SUMF1: variants seen among roughly 807,000 people sequenced by gnomAD.
SUMF1 encodes sulfatase modifying factor 1.
SUMF1 carries 48 observed loss-of-function variants against 47.6 expected under a neutral mutation model. The ratio of observed to expected loss-of-function variants is 1.01; its 90% CI spans 0.80 to 1.28. SUMF1 has a LOEUF of 1.28. Among genes scored for constraint, SUMF1 ranks in the 50% most tolerant of loss-of-function variants. SUMF1 has a pLI of 0.00. For missense variants in SUMF1, 571 were observed against 485.4 expected (o/e 1.18, Z -1.66); for synonymous variants, 230 against 192.1 (o/e 1.20, Z -1.63).
intron 8 of SUMF1, among the ~76,000 whole-genome samples, chr3:4,124,795 G>C (rs1188117917): frequency 8.1e-6 from 1 of 123,100 alleles, no homozygotes; most frequent in African/African-American, 2.9e-5. Flanking sequence ...CTACCTATCT[G>C]TATCTAATAT....
At chr3:4,248,667 G>A (rs1336457262) in intron 8 of SUMF1, among the ~76,000 whole-genome samples, 1 of 152,130 alleles carries the variant, frequency 6.6e-6, no homozygotes, top group Non-Finnish European at 1.5e-5. Context: ...GAATCCAAAA[G>A]CAAAAGGGAC....
chr3:4,081,068 C>CA lies in SUMF1; in HGVS notation c.1015-12324dup, dbSNP rs1336946098. 4.6e-5 allele frequency among the ~76,000 whole-genome samples: 7 copies of CA among 152,230 alleles called. No homozygotes were observed. In the East Asian group the frequency reaches 1.3e-3, roughly 29 times the overall value. ...TTTAGCCCAGTGACTGCCCAGGTTTCAAGACAAAGGTGAATTCAAGCCTCT... is the reference window on the plus strand; with the variant it reads ...TTTAGCCCAGTGACTGCCCAGGTTTCAAAGACAAAGGTGAATTCAAGCCTCT... On this transcript the variant is annotated intron_variant and NMD_transcript_variant, in intron 8 of 12. Coordinates refer to the SUMF1 transcript ENST00000448413.
In SUMF1 at chr3:4,314,038, T is replaced by C. The variant is rs1698535809; in HGVS notation, c.1014+62292A>G. 1.3e-5 allele frequency: 7 copies of C among 540,050 alleles called. No individual in the cohort carries two copies. In the Admixed American group the frequency reaches 2.5e-4, roughly 19 times the overall value. The allele number at this position is 540,050 out of a possible 1,614,324, so 33.5% of individuals were successfully genotyped here. A position where few individuals can be genotyped will look rare whatever the true frequency, so the allele number is the denominator to read the frequency against. The stretch of plus-strand genomic sequence containing the variant: ...AATGACAAGTCCTTAAATGGAGATA[T>C]CCTGCCCTTCACCTCCTCTTTCTTC... On this transcript the variant is annotated intron_variant and NMD_transcript_variant, in intron 8 of 12. Coordinates refer to the SUMF1 transcript ENST00000448413.
intron 8 of SUMF1, among the ~76,000 whole-genome samples, chr3:4,239,257 G>A (rs922379006): frequency 4.6e-5 from 7 of 152,058 alleles, no homozygotes; most frequent in African/African-American, 1.7e-4. Context: ...TGGCTATATG[G>A]GTTCTTTTTT....
intron 8 of SUMF1, 66 bp from the exon 9 acceptor site, chr3:4,362,320 G>A: frequency 2.3e-6 from 3 of 1,308,640 alleles, no homozygotes; most frequent in South Asian, 1.2e-5. Flanking sequence ...TAACCCATCA[G>A]ATGCATATTG....
intron 8 of SUMF1, chr3:4,316,783 T>C (rs1381713966): frequency 2.6e-6 from 4 of 1,550,648 alleles, no homozygotes; most frequent in African/African-American, 1.4e-5. Context: ...CCAAAAAAGG[T>C]CATGGTCACT....
At chr3:4,300,651 G>A (rs1697944294) in intron 8 of SUMF1, among the ~76,000 whole-genome samples, 3 of 152,214 alleles carry the variant, frequency 2.0e-5, no homozygotes, top group Admixed American at 6.5e-5. Flanking sequence ...TAACTAAGTA[G>A]AACATTCTGT....
At chr3:4,196,373 G>A (rs1485250) in intron 8 of SUMF1, among the ~76,000 whole-genome samples, 48,463 of 151,892 alleles carry the variant, frequency 0.32, 7,838 homozygotes, top group East Asian at 0.4. Context: ...TCCAGGCTTT[G>A]TGTGGCAGGC....
intron 8 of SUMF1, among the ~76,000 whole-genome samples, chr3:4,154,973 C>T (rs563881108): frequency 6.6e-6 from 1 of 151,564 alleles, no homozygotes; most frequent in South Asian, 2.1e-4. Context: ...TGCTGGGGCT[C>T]AGCAGAGAAA....
intron 8 of SUMF1, among the ~76,000 whole-genome samples, chr3:4,295,606 C>T (rs769943775): frequency 6.6e-6 from 1 of 152,070 alleles, no homozygotes; most frequent in Non-Finnish European, 1.5e-5. Flanking sequence ...GCTCTCATAG[C>T]CTTGGTAACA....
chr3:4,071,402 C>G (rs1225979486), intron 8 of SUMF1, among the ~76,000 whole-genome samples: 1 of 152,150 alleles, frequency 6.6e-6, no homozygotes, highest in African/African-American at 2.4e-5. Context: ...CCAAGAGAAG[C>G]CATGAGAGAC....
Position 4,362,262 on chromosome 3 carries a change from G to C in SUMF1, c.1015-8C>G. The stretch of plus-strand genomic sequence containing the variant: ...ATACCTGTAACAATAAGACTGTGTA[G>C]AGAGAAAGAGCAAGGTAAGTGCTAC... On this transcript the variant is annotated splice_region_variant and splice_polypyrimidine_tract_variant and intron_variant, in intron 8 of 8. Transcript: ENST00000272902. 6.2e-7 allele frequency: 1 copy of C among 1,612,422 alleles called. No homozygotes were observed. Among genetic ancestry groups the C allele is most frequent in the Non-Finnish European group, 8.5e-7 (1 of 1,178,562 alleles).
intron 8 of SUMF1, among the ~76,000 whole-genome samples, chr3:4,194,148 C>T (rs2125145564): frequency 6.6e-6 from 1 of 152,190 alleles, no homozygotes; most frequent in South Asian, 2.1e-4. Context: ...ATACTGAGCA[C>T]TTGAAATATG....
rs1702889459 is a variant in SUMF1, at chr3:4,449,321, G to C, written c.464C>G (p.Ser155Cys). The C allele has an allele frequency of 6.2e-7, 1 of 1,614,112 alleles. No homozygotes were observed. Among genetic ancestry groups the C allele is most frequent in the East Asian group, 2.2e-5 (1 of 44,882 alleles). ...YLTEAEKFGD[S>C]FVFEGMLSEQ... is the part of the protein sequence containing the mutation. ...ACTCAACATGCCTTCAAAGACAAAG[G>C]AGTCGCCAAACTTCTCAGCCTATAA... The change falls in exon 3 of 9, where the codon TCC becomes TGC. Residue 155 changes from serine (S) to cysteine (C), a missense_variant. By Grantham distance (112) the Ser-to-Cys change is moderately radical. Transcript: ENST00000272902.
At chr3:4,264,832 G>C (rs887098814) in intron 8 of SUMF1, among the ~76,000 whole-genome samples, 1 of 152,098 alleles carries the variant, frequency 6.6e-6, no homozygotes, top group East Asian at 1.9e-4. Context: ...ACTCTCATCA[G>C]TTAAGAACAT....
rs187283504 is a variant in SUMF1 at position 4,191,832 on chromosome 3, T to C, written c.1015-123087A>G. Among the ~76,000 whole-genome samples the C allele has an allele frequency of 8.5e-5, 13 of 152,270 alleles. No individual in the cohort carries two copies. In the East Asian group the frequency reaches 2.3e-3, roughly 27 times the overall value. On this transcript the variant is annotated intron_variant and NMD_transcript_variant, in intron 8 of 12. Coordinates refer to the SUMF1 transcript ENST00000448413. Reference sequence around the variant, plus strand: ...GAATTCTGTAAAGGCTTGAAATGTCTATTCAACAAGGTGAAAAAGAATTAC... The same window carrying C: ...GAATTCTGTAAAGGCTTGAAATGTCCATTCAACAAGGTGAAAAAGAATTAC...
chr3:4,402,007 A>G (rs1332697111), intron 7 of SUMF1, among the ~76,000 whole-genome samples: 1 of 152,202 alleles, frequency 6.6e-6, no homozygotes, highest in Non-Finnish European at 1.5e-5. Context: ...CTCCATAAGA[A>G]GTAGGAAAAT....
intron 8 of SUMF1, among the ~76,000 whole-genome samples, chr3:4,352,965 C>G (rs865981046): frequency 3.9e-5 from 6 of 152,212 alleles, no homozygotes; most frequent in Admixed American, 1.3e-4. Flanking sequence ...AAGACAGATT[C>G]AGTCACTGTC....
At chr3:4,412,785 G>C (rs183056554) in intron 6 of SUMF1, among the ~76,000 whole-genome samples, 103 of 152,230 alleles carry the variant, frequency 6.8e-4, no homozygotes, top group Middle Eastern at 3.4e-3. Flanking sequence ...AGCTACTCAG[G>C]AGGCTGAGGT....
Sources: allele counts gnomAD v4.1 joint callset (sites outside exome capture counted in the v4.1 genomes callset), GRCh38; gene constraint gnomAD v4.1.1; transcripts MANE v1.5; gene names NCBI Gene and HGNC (gene_info 2026-07-23, HGNC 2026-07-21).